GNB1: variants seen among roughly 807,000 people sequenced by gnomAD.
GNB1 encodes the protein G protein subunit beta 1.
Under a neutral mutation model 42.9 loss-of-function variants are expected in GNB1, and 2 were observed. That is an observed-to-expected ratio of 0.05 (90% CI 0.02 to 0.15). The LOEUF (loss-of-function observed/expected upper bound fraction) is 0.15. Among genes scored for constraint, GNB1 ranks in the 10% least tolerant of loss-of-function variants. The pLI is 1.00. For synonymous variants in GNB1, 183 were observed against 174.7 expected, an observed-to-expected ratio of 1.05 and a Z score of -0.38; for missense variants, 193 against 462.2, an observed-to-expected ratio of 0.42 and a Z score of 5.34.
chr1:1,857,039 C>A (rs1040951687), intron 1 of GNB1, among the ~76,000 whole-genome samples: 4 of 152,146 alleles, frequency 2.6e-5, no homozygotes, highest in African/African-American at 9.7e-5. Flanking sequence ...TGTCCAATCA[C>A]CTGTCTCAAA....
chr1:1,856,979 T>C (rs1203201822), intron 1 of GNB1, among the ~76,000 whole-genome samples: 2 of 152,224 alleles, frequency 1.3e-5, no homozygotes, highest in Non-Finnish European at 2.9e-5. Flanking sequence ...ATGGAGAGCA[T>C]ACTCTGATTT....
At chr1:1,828,906 C>T (rs1345537639) in intron 2 of GNB1, among the ~76,000 whole-genome samples, 1 of 151,842 alleles carries the variant, frequency 6.6e-6, no homozygotes, top group South Asian at 2.1e-4. Flanking sequence ...CACACACACA[C>T]ACACACAATT....
chr1:1,883,929 C>T (rs1649997384), intron 1 of GNB1, among the ~76,000 whole-genome samples: 1 of 151,060 alleles, frequency 6.6e-6, no homozygotes, highest in Admixed American at 6.6e-5. Context: ...CTATTGTAGA[C>T]TCTTTTGACA....
chr1:1,821,364 C>G (rs568890369), intron 3 of GNB1, among the ~76,000 whole-genome samples: 1 of 152,322 alleles, frequency 6.6e-6, no homozygotes, highest in East Asian at 1.9e-4. Context: ...CCTCTGAGAG[C>G]CTGTGTTTCC....
chr1:1,791,168 T>C (rs1356999179), intron 8 of GNB1, among the ~76,000 whole-genome samples: 1 of 101,284 alleles, frequency 9.9e-6, no homozygotes. Flanking sequence ...TGATCACACC[T>C]GGTATTTTTT....
At chr1:1,862,583 TC>T (rs1003269227) in intron 1 of GNB1, among the ~76,000 whole-genome samples, 4 of 151,716 alleles carry the variant, frequency 2.6e-5, no homozygotes, top group Non-Finnish European at 5.9e-5. Context: ...CACCTCAGCA[TC>T]CCGAGTAGCT....
At chr1:1,788,841 C>T (rs1438328655) in intron 10 of GNB1, 11 of 533,030 alleles carry the variant, frequency 2.1e-5, no homozygotes, top group East Asian at 3.2e-5. Flanking sequence ...GAGCCCTCCC[C>T]GACGCATGTG....
At chr1:1,887,429 A>G (rs1335250201) in intron 1 of GNB1, among the ~76,000 whole-genome samples, 3 of 152,242 alleles carry the variant, frequency 2.0e-5, no homozygotes, top group Middle Eastern at 3.2e-3. Context: ...ACACACACAT[A>G]AAATAAACCA....
At chr1:1,812,286 T>G (rs935667481) in intron 5 of GNB1, among the ~76,000 whole-genome samples, 2 of 151,546 alleles carry the variant, frequency 1.3e-5, no homozygotes, top group African/African-American at 4.9e-5. Context: ...ACATGGCACA[T>G]GTATTCCTAT....
chr1:1,881,181 C>G (rs1406048818), intron 1 of GNB1, among the ~76,000 whole-genome samples: 2 of 152,130 alleles, frequency 1.3e-5, no homozygotes, highest in South Asian at 4.1e-4. Flanking sequence ...AGAGGGCAGA[C>G]GGAAACCTGT....
chr1:1,800,146 G>A (rs1239597071), intron 7 of GNB1, among the ~76,000 whole-genome samples: 2 of 152,134 alleles, frequency 1.3e-5, no homozygotes, highest in Non-Finnish European at 2.9e-5. Flanking sequence ...ATTACTACAT[G>A]TACTAAAAAA....
At chr1:1,792,926 C>T (rs1456438045) in intron 8 of GNB1, among the ~76,000 whole-genome samples, 1 of 151,700 alleles carries the variant, frequency 6.6e-6, no homozygotes, top group African/African-American at 2.4e-5. Flanking sequence ...ATTAGTCAGG[C>T]GTGGTGGCGG....
intron 1 of GNB1, among the ~76,000 whole-genome samples, chr1:1,864,050 TG>T (rs1648778229): frequency 6.6e-6 from 1 of 151,656 alleles, no homozygotes; most frequent in African/African-American, 2.4e-5. Flanking sequence ...TTGCCAGGAG[TG>T]GTGGCTCACA....
intron 1 of GNB1, among the ~76,000 whole-genome samples, chr1:1,845,550 G>A (rs1239140221): frequency 6.6e-6 from 1 of 152,030 alleles, no homozygotes; most frequent in Non-Finnish European, 1.5e-5. Context: ...TCCAGCCTGG[G>A]TGACAGTGCG....
At chr1:1,832,791 T>C (rs574500223) in intron 2 of GNB1, among the ~76,000 whole-genome samples, 89 of 152,300 alleles carry the variant, frequency 5.8e-4, no homozygotes, top group Admixed American at 9.8e-4. Flanking sequence ...GGTACAGATA[T>C]TGAAAAATAA....
At chr1:1,809,189 ATTTTTTTT>A (rs34549355) in intron 5 of GNB1, among the ~76,000 whole-genome samples, 3 of 92,724 alleles carry the variant, frequency 3.2e-5, no homozygotes, top group Non-Finnish European at 7.5e-5. Flanking sequence ...TTCAGATGCA[ATTTTTTTT>A]TTTTTTTTTT....
chr1:1,815,060 C>T (rs1233098006), intron 5 of GNB1, among the ~76,000 whole-genome samples: 1 of 149,694 alleles, frequency 6.7e-6, no homozygotes. Context: ...TGCAGTGAGC[C>T]GAGATTGCCC....
chr1:1,840,304 G>A (rs1249712859), intron 1 of GNB1, among the ~76,000 whole-genome samples: 1 of 151,354 alleles, frequency 6.6e-6, no homozygotes, highest in African/African-American at 2.4e-5. Flanking sequence ...CAAGTTGGGC[G>A]GATCACAAGG....
chr1:1,854,575 CAG>C (rs1356798376), intron 1 of GNB1, among the ~76,000 whole-genome samples: 3 of 152,198 alleles, frequency 2.0e-5, no homozygotes, highest in Non-Finnish European at 2.9e-5. Context: ...TTAAGGAAGA[CAG>C]ATACATCTCC....
Sources: allele counts gnomAD v4.1 joint callset (sites outside exome capture counted in the v4.1 genomes callset), GRCh38; gene constraint gnomAD v4.1.1; transcripts MANE v1.5; gene names NCBI Gene and HGNC (gene_info 2026-07-23, HGNC 2026-07-21).